Variants in C12orf57 observed in about 807,000 individuals in gnomAD.
C12orf57 encodes protein C10.
C12orf57 carries 14 observed loss-of-function variants against 11.3 expected under a neutral mutation model. That is an observed-to-expected ratio of 1.24 (90% CI 0.82 to 1.94). C12orf57 has a LOEUF of 1.94. Among genes scored for constraint, C12orf57 ranks in the 30% most tolerant of loss-of-function variants. The probability of loss-of-function intolerance (pLI) is 0.00; values close to 1 mark genes in which losing one functional copy is unlikely to be tolerated. For missense variants in C12orf57, 229 were observed against 172.4 expected, an observed-to-expected ratio of 1.33 and a Z score of -1.84; for synonymous variants, 100 against 74.6, an observed-to-expected ratio of 1.34 and a Z score of -1.76.
chr12:6,945,343 G>A (rs782189074), intron 2 of C12orf57, among the ~76,000 whole-genome samples: 2 of 152,110 alleles, frequency 1.3e-5, no homozygotes, highest in Non-Finnish European at 2.9e-5. Context: ...GTCTCTCCAG[G>A]GTGTTTCAGC....
At chr12:6,943,754 G>A, upstream of C12orf57, 1 of 1,149,186 alleles carries the variant, frequency 8.7e-7, no homozygotes, top group Non-Finnish European at 1.1e-6. Flanking sequence ...AGTCACCTAA[G>A]CTCACCCTCA....
chr12:6,943,509 G>A (rs1358215491), upstream of C12orf57: 1 of 1,277,504 alleles, frequency 7.8e-7, no homozygotes, highest in South Asian at 1.3e-5. Flanking sequence ...TGCGACAACG[G>A]CTTTTGCTCT....
At position 6,945,879 on chromosome 12, in the gene C12orf57, C is replaced by G. The variant is rs782320858; in HGVS notation, c.338C>G (p.Pro113Arg). The part of the protein sequence containing the change: ...KALFLPPMTL[P>R]PHGPAAGGSV... The stretch of plus-strand genomic sequence containing the variant: ...CTGTTTCTGCCGCCCATGACCCTGC[C>G]ACCCCATGGGCCTGCTGCTGGTGGC... Residue 113 changes from proline (P) to arginine (R), a missense_variant, in exon 3 of 3, where the codon CCA becomes CGA. Physicochemically the swap from Pro to Arg is moderately radical, Grantham distance 103 (BLOSUM62 -2). Transcript: ENST00000229281. 6.2e-7 allele frequency: 1 copy of G among 1,613,602 alleles called. No homozygotes were observed. Among genetic ancestry groups the G allele is most frequent in the Non-Finnish European group, 8.5e-7 (1 of 1,179,890 alleles).
rs374912364 is a variant in C12orf57, at chr12:6,945,860, C to T, written c.319C>T (p.Leu107=). ...SLSGKLKALF[L]PPMTLPPHGP... ...GTCAGGCAAGCTGAAGGCGCTGTTT[C>T]TGCCGCCCATGACCCTGCCACCCCA... The change falls in exon 3 of 3, where the codon CTG becomes TTG. Residue 107 remains leucine, a synonymous_variant. Coordinates refer to ENST00000229281, the MANE Select transcript of C12orf57 (RefSeq NM_138425.4). 1.2e-6 allele frequency: 2 copies of T among 1,613,804 alleles called. No homozygotes were observed. The highest frequency in any genetic ancestry group is 1.7e-6 in the Non-Finnish European group (2 of 1,179,906).
upstream of C12orf57, chr12:6,943,655 T>C (rs1229899638): frequency 7.8e-7 from 1 of 1,288,066 alleles, no homozygotes; most frequent in Admixed American, 2.3e-5. Context: ...TAGAAATGAA[T>C]GACTTAAGTA....
At chr12:6,944,765 G>C (rs188955120) in intron 2 of C12orf57, 113 bp downstream of exon 2, 23 of 1,552,680 alleles carry the variant, frequency 1.5e-5, no homozygotes, top group Non-Finnish European at 8.7e-7. Context: ...CCACACGGCG[G>C]CAGCCACAAT....
At chr12:6,944,704 C>G (rs782024839) in intron 2 of C12orf57, 52 bp downstream of exon 2, 5 of 1,598,300 alleles carry the variant, frequency 3.1e-6, no homozygotes, top group Non-Finnish European at 4.3e-6. Context: ...GGAGTTGGGT[C>G]GGGAGAGGGC....
Position 6,945,970 on chromosome 12 carries a change from G to A in C12orf57, c.*48G>A. On this transcript the variant is annotated 3_prime_UTR_variant, in exon 3 of 3. Transcript: ENST00000229281. Reference sequence around the variant, plus strand: ...CTGCCAGGGGAGGAAAGGCCTTGATGTTCCAGACAATAATAAATGCGCCTG... The same window carrying A: ...CTGCCAGGGGAGGAAAGGCCTTGATATTCCAGACAATAATAAATGCGCCTG... 6.3e-7 allele frequency: 1 copy of A among 1,578,532 alleles called. No homozygotes were observed. Among genetic ancestry groups the A allele is most frequent in the South Asian group, 1.1e-5 (1 of 87,914 alleles).
At chr12:6,943,481 A>G (rs1367339652), upstream of C12orf57, 1 of 1,267,348 alleles carries the variant, frequency 7.9e-7, no homozygotes, top group African/African-American at 1.6e-5. Flanking sequence ...TCATCAATAG[A>G]CAAGGCCTTT....
chr12:6,943,925 AT>A, upstream of C12orf57: 2 of 1,324,574 alleles, frequency 1.5e-6, no homozygotes, highest in Non-Finnish European at 2.0e-6. Context: ...CTGTGCAAAA[AT>A]TATGGGTAGT....
chr12:6,945,827 G>T lies in C12orf57; in HGVS notation c.286G>T (p.Ala96Ser). ...CTACGAAGCCCAGGATCCTGAGATC[G>T]CCAGCCTGTCAGGCAAGCTGAAGGC... ...KSYEAQDPEIASLSGKLKALF... is the reference protein window; with the variant it reads ...KSYEAQDPEISSLSGKLKALF... The change falls in exon 3 of 3, where the codon GCC (alanine) becomes TCC (serine). Residue 96 changes from alanine to serine, a missense_variant. Coordinates refer to ENST00000229281, the MANE Select transcript of C12orf57 (RefSeq NM_138425.4). 1.2e-6 allele frequency: 2 copies of T among 1,613,568 alleles called. No individual in the cohort carries two copies. The highest frequency in any genetic ancestry group is 1.7e-6 in the Non-Finnish European group (2 of 1,179,802).
chr12:6,945,680 G>A, intron 2 of C12orf57, 91 bp from the exon 3 acceptor site: 1 of 1,355,514 alleles, frequency 7.4e-7, no homozygotes, highest in Non-Finnish European at 1.0e-6. Context: ...GCCAGTGGGG[G>A]AGCAGTTCAT....
At chr12:6,945,528 C>T (rs1945780243) in intron 2 of C12orf57, among the ~76,000 whole-genome samples, 1 of 152,126 alleles carries the variant, frequency 6.6e-6, no homozygotes, top group Non-Finnish European at 1.5e-5. Flanking sequence ...AAATGGTTCA[C>T]CTGAGAGCAA....
rs1291485787 is a variant in C12orf57, at chr12:6,945,858, T to A, written c.317T>A (p.Phe106Tyr). The A allele has an allele frequency of 6.2e-7, 1 of 1,613,792 alleles. No homozygotes were observed. The highest frequency in any genetic ancestry group is 8.5e-7 in the Non-Finnish European group (1 of 1,179,894). Residue 106 changes from phenylalanine (F) to tyrosine (Y), a missense_variant, in exon 3 of 3, where the codon TTT becomes TAT. Transcript: ENST00000229281. ...ASLSGKLKAL[F>Y]LPPMTLPPHG... Reference sequence around the variant, plus strand: ...CTGTCAGGCAAGCTGAAGGCGCTGTTTCTGCCGCCCATGACCCTGCCACCC... The same window carrying A: ...CTGTCAGGCAAGCTGAAGGCGCTGTATCTGCCGCCCATGACCCTGCCACCC...
At chr12:6,944,320 C>G in intron 1 of C12orf57, 147 bp downstream of exon 1, 1 of 1,572,782 alleles carries the variant, frequency 6.4e-7, no homozygotes, top group Non-Finnish European at 8.6e-7. Context: ...ACGCCGGGTA[C>G]CGTCCTTCTA....
Position 6,944,644 on chromosome 12 carries a change from A to G in C12orf57, c.221A>G (p.Asp74Gly), listed in dbSNP as rs1474982878. The change falls in exon 2 of 3, where the codon GAC becomes GGC. Residue 74 changes from aspartate (D) to glycine (G), a missense_variant. Physicochemically the swap from Asp to Gly is moderately conservative, Grantham distance 94 (BLOSUM62 -1). Transcript: ENST00000229281. ...ATCAAAGCCTATGGCTTCAGCTGCG[A>G]CGGGGAAGGTGGGTCAGACGCGGGA... ...EVIKAYGFSC[D>G]GEGVLKFARL... 1 of 1,611,826 alleles carries G rather than the reference A, an allele frequency of 6.2e-7. No homozygotes were observed. The highest frequency in any genetic ancestry group is 2.2e-5 in the East Asian group (1 of 44,812).
upstream of C12orf57, chr12:6,943,638 C>G (rs1482066884): frequency 7.8e-7 from 1 of 1,288,778 alleles, no homozygotes; most frequent in Non-Finnish European, 1.0e-6. Flanking sequence ...CAAATGTTCG[C>G]GAACTCTAGA....
At chr12:6,943,951 T>C (rs782269413), upstream of C12orf57, 109 of 1,485,516 alleles carry the variant, frequency 7.3e-5, 1 homozygote, top group African/African-American at 1.4e-4. Context: ...GTGGTCTTGA[T>C]GCAGTTGTAA....
upstream of C12orf57, chr12:6,943,932 G>C: frequency 1.5e-6 from 2 of 1,349,244 alleles, no homozygotes; most frequent in East Asian, 2.4e-5. Flanking sequence ...AAAATTATGG[G>C]TAGTTTTGGT....
Sources: allele counts gnomAD v4.1 joint callset (sites outside exome capture counted in the v4.1 genomes callset), GRCh38; gene constraint gnomAD v4.1.1; transcripts MANE v1.5; gene names NCBI Gene and HGNC (gene_info 2026-07-23, HGNC 2026-07-21).